LRRC28: variants seen among roughly 807,000 people sequenced by gnomAD.
LRRC28 encodes leucine-rich repeat-containing protein 28.
Under a neutral mutation model 45.7 loss-of-function variants are expected in LRRC28, and 39 were observed. The ratio of observed to expected loss-of-function variants is 0.85; its 90% CI spans 0.66 to 1.12. The LOEUF (loss-of-function observed/expected upper bound fraction) is 1.12, where lower values mean the gene tolerates loss of function less well. Ranked by LOEUF, LRRC28 falls within the 50% of genes most tolerant of loss-of-function variation. The pLI is 0.00. For synonymous variants in LRRC28, 206 were observed against 178.8 expected (o/e 1.15, Z -1.22); for missense variants, 435 against 438.5 (o/e 0.99, Z 0.07).
intron 5 of LRRC28, among the ~76,000 whole-genome samples, chr15:99,317,928 C>T (rs1466774860): frequency 6.6e-6 from 1 of 152,086 alleles, no homozygotes; most frequent in Non-Finnish European, 1.5e-5. Context: ...TGATGCAGTG[C>T]ACAACAAAAG....
At chr15:99,335,033 AT>A (rs1329131079) in intron 6 of LRRC28, among the ~76,000 whole-genome samples, 1 of 152,178 alleles carries the variant, frequency 6.6e-6, no homozygotes, top group Non-Finnish European at 1.5e-5. Flanking sequence ...TGAGGAGATT[AT>A]TTTTCCATAA....
chr15:99,262,678 G>T (rs1003009990), intron 2 of LRRC28, among the ~76,000 whole-genome samples: 1 of 152,050 alleles, frequency 6.6e-6, no homozygotes, highest in African/African-American at 2.4e-5. Flanking sequence ...GGGTCTTTCT[G>T]TGTTGCCCAG....
chr15:99,317,305 T>C (rs1434168945), intron 5 of LRRC28, among the ~76,000 whole-genome samples: 1 of 152,220 alleles, frequency 6.6e-6, no homozygotes, highest in Non-Finnish European at 1.5e-5. Context: ...TTCCAAACTT[T>C]CTTTACATGT....
intron 5 of LRRC28, among the ~76,000 whole-genome samples, chr15:99,333,376 A>G (rs1956218274): frequency 6.6e-6 from 1 of 152,216 alleles, no homozygotes; most frequent in Non-Finnish European, 1.5e-5. Context: ...TAAAAATGTT[A>G]GTTAACTGTA....
In LRRC28 at chr15:99,334,109, G is replaced by A. The variant is rs149420442; in HGVS notation, c.572G>A (p.Arg191His). 1.1e-4 allele frequency: 183 copies of A among 1,614,072 alleles called. No individual in the cohort carries two copies. The highest frequency in any genetic ancestry group is 3.7e-4 in the South Asian group (34 of 91,086). The change falls in exon 6 of 10, where the codon CGT (arginine) becomes CAT (histidine). Residue 191 changes from arginine (R) to histidine (H), a missense_variant. Coordinates refer to ENST00000301981, the MANE Select transcript of LRRC28 (RefSeq NM_144598.5). ...AATGAGCTCTCCATGGCTGGAAACCGTCTTGCATTTTTGCCACTTGGTAAG... is the reference window on the plus strand; with the variant it reads ...AATGAGCTCTCCATGGCTGGAAACCATCTTGCATTTTTGCCACTTGGTAAG... ...SLNELSMAGNRLAFLPLDLGR... is the reference protein window; with the variant it reads ...SLNELSMAGNHLAFLPLDLGR...
intron 3 of LRRC28, among the ~76,000 whole-genome samples, chr15:99,279,912 C>G (rs561855306): frequency 1.3e-5 from 2 of 152,278 alleles, no homozygotes; most frequent in South Asian, 4.1e-4. Flanking sequence ...ATTAGCTGTT[C>G]CATTTTACAT....
rs137961422 is a variant in LRRC28 at position 99,268,850 on chromosome 15, T to C, written c.169-7726T>C. On this transcript the variant is annotated intron_variant, in intron 2 of 9. Transcript: ENST00000301981. ...TATGGCATGTTTATTAAATAGGTTT[T>C]TTTAAAAATAAAAAGCTGGAGAAGA... Among the ~76,000 whole-genome samples, 3 of 152,368 alleles carry C rather than the reference T, an allele frequency of 2.0e-5. No homozygotes were observed. The East Asian group carries it at 5.8e-4, about 29-fold the overall frequency.
intron 5 of LRRC28, among the ~76,000 whole-genome samples, chr15:99,290,697 C>T (rs1002709847): frequency 2.0e-5 from 3 of 152,028 alleles, no homozygotes; most frequent in Admixed American, 6.6e-5. Context: ...CATCTGTAAT[C>T]CCACCACTTT....
At chr15:99,361,592 C>CT (rs900774789) in intron 8 of LRRC28, 81 bp downstream of exon 8, 10 of 1,356,104 alleles carry the variant, frequency 7.4e-6, no homozygotes, top group Non-Finnish European at 9.9e-6. Flanking sequence ...TGGCGTTCAT[C>CT]TTTAAAAAAA....
At chr15:99,289,689 T>C (rs1235631047) in intron 5 of LRRC28, among the ~76,000 whole-genome samples, 1 of 151,364 alleles carries the variant, frequency 6.6e-6, no homozygotes, top group African/African-American at 2.4e-5. Context: ...ATCCCAGCAC[T>C]TTGGGAGGCC....
rs565811973 is a variant in LRRC28, at chr15:99,316,803, C to T, written c.386-17120C>T. Reference sequence around the variant, plus strand: ...CTGTAAAGTATTGAAAGGACCCTGGCGGATACAAGCTTGGACACCAGGGAA... The same window carrying T: ...CTGTAAAGTATTGAAAGGACCCTGGTGGATACAAGCTTGGACACCAGGGAA... On this transcript the variant is annotated intron_variant, in intron 5 of 9. Transcript: ENST00000301981. Among the ~76,000 whole-genome samples, 6 of 151,632 alleles carry T rather than the reference C, an allele frequency of 4.0e-5. No homozygotes were observed. In the East Asian group the frequency reaches 9.7e-4, roughly 25 times the overall value.
intron 3 of LRRC28, among the ~76,000 whole-genome samples, chr15:99,280,779 G>T (rs2081764168): frequency 6.6e-6 from 1 of 151,990 alleles, no homozygotes; most frequent in African/African-American, 2.4e-5. Context: ...TTTTGACATT[G>T]TTTTTTCAGA....
At chr15:99,273,835 C>T (rs1454757320) in intron 2 of LRRC28, among the ~76,000 whole-genome samples, 2 of 152,168 alleles carry the variant, frequency 1.3e-5, no homozygotes, top group African/African-American at 4.8e-5. Flanking sequence ...GCAGATGAAA[C>T]TAGGTGAAGG....
At chr15:99,277,775 TTTTC>T (rs1206181172) in intron 3 of LRRC28, among the ~76,000 whole-genome samples, 7 of 150,750 alleles carry the variant, frequency 4.6e-5, no homozygotes, top group African/African-American at 1.7e-4. Flanking sequence ...CATCATGGCT[TTTTC>T]TTTGTCTCTA....
At chr15:99,284,930 A>G (rs2081916699) in intron 3 of LRRC28, 2 of 604,056 alleles carry the variant, frequency 3.3e-6, no homozygotes, top group Non-Finnish European at 6.3e-6. Flanking sequence ...TTCCTCCACG[A>G]CCAAAGTTGT....
At chr15:99,283,264 A>G (rs772041765) in intron 3 of LRRC28, among the ~76,000 whole-genome samples, 86 of 152,054 alleles carry the variant, frequency 5.7e-4, no homozygotes, top group Non-Finnish European at 4.4e-4. Flanking sequence ...TAAACATAGT[A>G]TGGGTCATAC....
Position 99,387,251 on chromosome 15 carries a change from G to T in LRRC28, c.*1149G>T, listed in dbSNP as rs969477900. 1 of 150,012 alleles carries T rather than the reference G, an allele frequency of 6.7e-6. No homozygotes were observed. Among genetic ancestry groups the T allele is most frequent in the Non-Finnish European group, 1.5e-5 (1 of 67,444 alleles). The allele number at this position is 150,012 out of a possible 1,614,324, so 9.3% of individuals were successfully genotyped here. On this transcript the variant is annotated 3_prime_UTR_variant, in exon 10 of 10. Transcript: ENST00000301981. Reference sequence around the variant, plus strand: ...AATTTTTTGTATTTTTAGTAGAGACGGGGTTTCACCGTGTTAGCCGGGATG... The same window carrying T: ...AATTTTTTGTATTTTTAGTAGAGACTGGGTTTCACCGTGTTAGCCGGGATG...
intron 7 of LRRC28, among the ~76,000 whole-genome samples, chr15:99,353,228 G>C (rs1361691637): frequency 6.6e-6 from 1 of 152,100 alleles, no homozygotes; most frequent in East Asian, 1.9e-4. Flanking sequence ...GCAGCCAAGT[G>C]AACACCCCGG....
rs149477620 is a variant in LRRC28 at position 99,346,174 on chromosome 15, A to G, written c.593-6195A>G. 4.0e-5 allele frequency among the ~76,000 whole-genome samples: 6 copies of G among 151,684 alleles called. No individual in the cohort carries two copies. In the East Asian group the frequency reaches 1.2e-3, roughly 29 times the overall value. Reference sequence around the variant, plus strand: ...TAGTCATTTGTTCATTCATTCATTCATTCATTCATTCATTTGTTTTGAGAC... The same window carrying G: ...TAGTCATTTGTTCATTCATTCATTCGTTCATTCATTCATTTGTTTTGAGAC... On this transcript the variant is annotated intron_variant, in intron 6 of 9. Transcript: ENST00000301981.
Sources: allele counts gnomAD v4.1 joint callset (sites outside exome capture counted in the v4.1 genomes callset), GRCh38; gene constraint gnomAD v4.1.1; transcripts MANE v1.5; gene names NCBI Gene and HGNC (gene_info 2026-07-23, HGNC 2026-07-21).